The following TSPEAR variants were observed in gnomAD, a reference collection of about 807,000 sequenced individuals.
TSPEAR encodes thrombospondin type laminin G domain and EAR repeats.
TSPEAR carries 69 observed loss-of-function variants against 71.6 expected under a neutral mutation model. The ratio of observed to expected loss-of-function variants is 0.96; its 90% CI spans 0.79 to 1.18. TSPEAR has a LOEUF of 1.18. Among genes scored for constraint, TSPEAR ranks in the 50% most tolerant of loss-of-function variants. TSPEAR has a pLI of 0.00. For synonymous variants in TSPEAR, 402 were observed against 387.2 expected (o/e 1.04, Z -0.45); for missense variants, 971 against 894.9 (o/e 1.09, Z -1.09).
chr21:44,538,068 C>T (rs1404740487), intron 2 of TSPEAR, among the ~76,000 whole-genome samples: 1 of 152,272 alleles, frequency 6.6e-6, no homozygotes, highest in Non-Finnish European at 1.5e-5. Context: ...TGACCACAGC[C>T]GTGGCAGCAC....
intron 9 of TSPEAR, chr21:44,515,986 G>A (rs782776223): frequency 6.6e-6 from 1 of 152,276 alleles, no homozygotes; most frequent in African/African-American, 2.4e-5. Flanking sequence ...CACAGAGGAG[G>A]CGATTCATGT....
At chr21:44,655,526 C>A (rs1415248807) in intron 1 of TSPEAR, among the ~76,000 whole-genome samples, 1 of 152,214 alleles carries the variant, frequency 6.6e-6, no homozygotes, top group East Asian at 1.9e-4. Context: ...CCTCTGCAGA[C>A]GGAGCCCAGG....
chr21:44,540,176 C>A (rs368747664), intron 2 of TSPEAR: 4 of 1,604,678 alleles, frequency 2.5e-6, no homozygotes, highest in East Asian at 4.5e-5. Flanking sequence ...AGGTGAGCTG[C>A]GGGAGGTGTG....
intron 1 of TSPEAR, among the ~76,000 whole-genome samples, chr21:44,590,073 C>T (rs1979664477): frequency 6.6e-6 from 1 of 151,428 alleles, no homozygotes; most frequent in Non-Finnish European, 1.5e-5. Flanking sequence ...CTGGGTCTGC[C>T]TGGAGGGGAG....
At chr21:44,591,872 T>G (rs1223446431) in intron 1 of TSPEAR, 1 of 1,585,294 alleles carries the variant, frequency 6.3e-7, no homozygotes, top group African/African-American at 1.7e-5. Flanking sequence ...CATGAGGGTG[T>G]GCAGGAGCTG....
At chr21:44,552,608 G>A (rs782062146) in intron 2 of TSPEAR, among the ~76,000 whole-genome samples, 1 of 152,188 alleles carries the variant, frequency 6.6e-6, no homozygotes, top group Admixed American at 6.5e-5. Flanking sequence ...GCAGCAAGCC[G>A]AGAAATAGAA....
chr21:44,600,958 G>T lies in TSPEAR; in HGVS notation c.83-32953C>A, dbSNP rs369241670. The T allele has an allele frequency of 3.4e-5, 55 of 1,610,936 alleles. 1 individual carries two copies. In the African/African-American group the frequency reaches 6.5e-4, roughly 19 times the overall value. On this transcript the variant is annotated intron_variant, in intron 1 of 11. Transcript: ENST00000323084. ...CTGCCAGCAGGCCTGCTGCGTGCCCGTCTGCTGCAAGACTGTCTGCTGCAA... is the reference window on the plus strand; with the variant it reads ...CTGCCAGCAGGCCTGCTGCGTGCCCTTCTGCTGCAAGACTGTCTGCTGCAA...
chr21:44,623,346 T>C lies in TSPEAR; in HGVS notation c.83-55341A>G, dbSNP rs587678656. 6.6e-6 allele frequency among the ~76,000 whole-genome samples: 1 copy of C among 152,356 alleles called. No homozygotes were observed. The highest frequency in any genetic ancestry group is 2.1e-4 in the South Asian group (1 of 4,822). Reference sequence around the variant, plus strand: ...AAAGTCTAATGTAAATTAGATCTTATATTATTTCCCAGATAGTATAGTGTA... The same window carrying C: ...AAAGTCTAATGTAAATTAGATCTTACATTATTTCCCAGATAGTATAGTGTA... On this transcript the variant is annotated intron_variant, in intron 1 of 11. Coordinates refer to ENST00000323084, the MANE Select transcript of TSPEAR (RefSeq NM_144991.3). The surrounding 1 kb of genome is among the most constrained non-coding windows in gnomAD (Gnocchi z 4.5).
intron 1 of TSPEAR, chr21:44,574,992 T>G (rs782579631): frequency 6.2e-7 from 1 of 1,609,974 alleles, no homozygotes; most frequent in East Asian, 2.2e-5. Flanking sequence ...CCCAGCCTGC[T>G]GAGGCCTCCG....
intron 1 of TSPEAR, among the ~76,000 whole-genome samples, chr21:44,704,249 A>ACCCCC (rs146556832): frequency 2.2e-4 from 32 of 147,128 alleles, no homozygotes; most frequent in African/African-American, 7.7e-4. Context: ...TGGGTACCCC[A>ACCCCC]CCCCCCCACC....
At chr21:44,634,748 T>C (rs781846312) in intron 1 of TSPEAR, among the ~76,000 whole-genome samples, 36 of 152,158 alleles carry the variant, frequency 2.4e-4, no homozygotes, top group Non-Finnish European at 4.7e-4. Flanking sequence ...TTATTGGTCA[T>C]TAGGGAAACA....
At position 44,579,208 on chromosome 21, in the gene TSPEAR, G is replaced by A. The variant is rs587647568; in HGVS notation, c.83-11203C>T. 2.0e-5 allele frequency among the ~76,000 whole-genome samples: 3 copies of A among 152,250 alleles called. No individual in the cohort carries two copies. The South Asian group carries it at 6.2e-4, about 32-fold the overall frequency. On this transcript the variant is annotated intron_variant, in intron 1 of 11. Transcript: ENST00000323084. ...GTGGGTGGGACAGTCCTGGGGCCTG[G>A]AGAGCCCCACAGCCCAGGGCACGGC... is the stretch of plus-strand genomic sequence containing the variant.
At chr21:44,558,687 G>T in intron 2 of TSPEAR, 3 of 1,611,672 alleles carry the variant, frequency 1.9e-6, no homozygotes, top group Non-Finnish European at 2.5e-6. Flanking sequence ...GTAAGCGCTG[G>T]AGCAGACGGA....
At chr21:44,512,873 G>C (rs145380263) in intron 9 of TSPEAR, among the ~76,000 whole-genome samples, 235 of 152,292 alleles carry the variant, frequency 1.5e-3, no homozygotes, top group African/African-American at 5.5e-3. Flanking sequence ...CTACGAAGCA[G>C]AGCTCTTGCT....
At chr21:44,641,819 A>C (rs7275571) in intron 1 of TSPEAR, among the ~76,000 whole-genome samples, 26,536 of 152,162 alleles carry the variant, frequency 0.17, 2,410 homozygotes, top group Non-Finnish European at 0.2. Flanking sequence ...GAAATTCCGC[A>C]CCTAGACTCT....
chr21:44,649,309 G>C (rs2047980962), intron 1 of TSPEAR, among the ~76,000 whole-genome samples: 1 of 152,186 alleles, frequency 6.6e-6, no homozygotes, highest in South Asian at 2.1e-4. Context: ...GCGGTCTGTG[G>C]AGGAGGCCTT....
chr21:44,692,782 C>T (rs1316413931), intron 1 of TSPEAR, among the ~76,000 whole-genome samples: 1 of 151,952 alleles, frequency 6.6e-6, no homozygotes, highest in African/African-American at 2.4e-5. Flanking sequence ...GGCAGTACTA[C>T]CCAAAGAAAT....
intron 1 of TSPEAR, among the ~76,000 whole-genome samples, chr21:44,618,984 G>A (rs1982280249): frequency 6.6e-6 from 1 of 152,200 alleles, no homozygotes; most frequent in Non-Finnish European, 1.5e-5. Context: ...AAGCCCCCGT[G>A]CATGTCTATG....
At position 44,606,163 on chromosome 21, in the gene TSPEAR, CAAAAA is replaced by C. The variant is rs61407657; in HGVS notation, c.83-38163_83-38159del. ...CTGGCAACAGAGCAAGACCCTGGCT[CAAAAA>C]AAAAAAAAAAAAAAACTACATAAAT... On this transcript the variant is annotated intron_variant, in intron 1 of 11. Transcript: ENST00000323084. Among the ~76,000 whole-genome samples, 289 of 71,026 alleles carry C rather than the reference CAAAAA, an allele frequency of 4.1e-3. 3 individuals carry two copies. Among genetic ancestry groups the C allele is most frequent in the African/African-American group, 0.012 (273 of 23,472 alleles). 46.6% of individuals were successfully genotyped at this position (71,026 alleles called of 152,430 possible). A position where few individuals can be genotyped will look rare whatever the true frequency, so the allele number is the denominator to read the frequency against.
Sources: gnomAD v4.1 joint callset for allele counts (sites outside exome capture counted in the v4.1 genomes callset) on GRCh38, gnomAD v4.1.1 for gene constraint, Gnocchi (gnomAD v3.1) non-coding constraint, MANE v1.5 for transcripts, NCBI Gene and HGNC (gene_info 2026-07-23, HGNC 2026-07-21) for gene names.